Variants in MED16 observed in about 807,000 individuals in gnomAD.
MED16 encodes mediator of RNA polymerase II transcription subunit 16.
MED16 carries 81 observed loss-of-function variants against 84.4 expected under a neutral mutation model. The observed-to-expected ratio is 0.96, with a 90% CI of 0.80 to 1.15. The LOEUF (loss-of-function observed/expected upper bound fraction) is 1.15. Among genes scored for constraint, MED16 ranks in the 50% most tolerant of loss-of-function variants. The pLI is 0.00. For missense variants in MED16, 1,585 were observed against 1,245.9 expected, an observed-to-expected ratio of 1.27 and a Z score of -4.10; for synonymous variants, 897 against 552.2, an observed-to-expected ratio of 1.62 and a Z score of -8.76.
intron 9 of MED16, among the ~76,000 whole-genome samples, chr19:875,665 C>A (rs959556551): frequency 6.6e-6 from 1 of 152,180 alleles, no homozygotes; most frequent in Non-Finnish European, 1.5e-5. Context: ...CTGGGAGCGG[C>A]TCTGCCTCTG....
rs372827473 is a variant in MED16 at position 873,411 on chromosome 19, A to T, written c.1905+38T>A. 145 of 1,381,858 alleles carry T rather than the reference A, an allele frequency of 1.0e-4. 1 individual carries two copies. The African/African-American group carries it at 3.0e-3, about 29-fold the overall frequency. 85.6% of individuals were successfully genotyped at this position (1,381,858 alleles called of 1,614,324 possible). On this transcript the variant is annotated intron_variant, in intron 11 of 15. Coordinates refer to ENST00000325464, the MANE Select transcript of MED16 (RefSeq NM_005481.3). ...CGGGGTCCTGATGAGATGGGGGCCC[A>T]GGTGGGGGGCGGGGCCTTAGGGGAG...
At position 885,887 on chromosome 19, in the gene MED16, A is replaced by G. The variant is rs1397407646; in HGVS notation, c.762T>C (p.Arg254=). ...GGGAGGGCAGGATCTCCGTGTCGAT[A>G]CGGCACTTCTCGCTCACCACGCTCA... ...VCVSVVSEKC[R]IDTEILPSLF... The change falls in exon 5 of 16, where the codon CGT becomes CGC. Residue 254 remains arginine, a synonymous_variant. Transcript: ENST00000325464. The G allele has an allele frequency of 9.3e-6, 15 of 1,613,596 alleles. No individual in the cohort carries two copies. Among genetic ancestry groups the G allele is most frequent in the Non-Finnish European group, 1.2e-5 (14 of 1,179,958 alleles).
intron 10 of MED16, among the ~76,000 whole-genome samples, chr19:874,105 C>G (rs1244110366): frequency 2.0e-5 from 3 of 152,072 alleles, no homozygotes; most frequent in Admixed American, 2.0e-4. Context: ...GTACTCCAGA[C>G]AAACGATAAC....
intron 6 of MED16, among the ~76,000 whole-genome samples, chr19:882,468 G>A (rs895451115): frequency 2.0e-5 from 3 of 152,196 alleles, no homozygotes; most frequent in Non-Finnish European, 4.4e-5. Flanking sequence ...AGGCTGCAGT[G>A]AGCCAAGATC....
chr19:879,997 T>G lies in MED16; in HGVS notation c.1293A>C (p.Leu431Phe). 1.2e-6 allele frequency: 2 copies of G among 1,609,906 alleles called. No homozygotes were observed. Among genetic ancestry groups the G allele is most frequent in the Non-Finnish European group, 1.7e-6 (2 of 1,178,632 alleles). Residue 431 changes from leucine to phenylalanine, a missense_variant, in exon 8 of 16, where the codon TTA (leucine) becomes TTC (phenylalanine). Coordinates refer to ENST00000325464, the MANE Select transcript of MED16 (RefSeq NM_005481.3). ...ACGTCCACGATAGCTGCATAGCCTT[T>G]AAGTGGACGGCGGGGCCCGCGGTGC... is the stretch of plus-strand genomic sequence containing the variant. ...RPRTAGPAVH[L>F]KAMQLSWTSL... is the part of the protein sequence containing the mutation.
At chr19:874,214 C>T (rs1311197071) in intron 10 of MED16, among the ~76,000 whole-genome samples, 3 of 152,118 alleles carry the variant, frequency 2.0e-5, no homozygotes, top group African/African-American at 4.8e-5. Context: ...CCCGGGTTCA[C>T]GCCATTCTCC....
intron 6 of MED16, 116 bp downstream of exon 6, chr19:884,787 G>C (rs578046978): frequency 1.3e-6 from 1 of 755,088 alleles, no homozygotes; most frequent in Non-Finnish European, 2.2e-6. Context: ...CGAGACGATC[G>C]CTTAGGGCCG....
intron 13 of MED16, 127 bp from the exon 14 acceptor site, chr19:869,073 G>A (rs1407881649): frequency 2.5e-6 from 2 of 815,170 alleles, no homozygotes; most frequent in Non-Finnish European, 1.9e-6. Flanking sequence ...GGTGGGCCCA[G>A]ATGTCTGTGA....
chr19:888,911 G>A (rs543157056), intron 4 of MED16, among the ~76,000 whole-genome samples: 1 of 152,290 alleles, frequency 6.6e-6, no homozygotes, highest in Admixed American at 6.5e-5. Context: ...ACAGAGGCAC[G>A]AAGCTGGGGT....
intron 11 of MED16, 143 bp downstream of exon 11, chr19:873,306 T>TAGGGGCGGGACTCCAAGC: frequency 3.5e-6 from 1 of 284,890 alleles, no homozygotes; most frequent in Middle Eastern, 1.1e-3. Flanking sequence ...GGACTCCAAG[T>TAGGGGCGGGACTCCAAGC]AGGGGCGGGA....
In MED16 at chr19:891,106, G is replaced by A. The variant is rs770872284; in HGVS notation, c.26C>T (p.Ala9Val). 1 of 1,613,508 alleles carries A rather than the reference G, an allele frequency of 6.2e-7. No individual in the cohort carries two copies. Among genetic ancestry groups the A allele is most frequent in the East Asian group, 2.2e-5 (1 of 44,872 alleles). MCDLRRPAAGGMMDLAYVC... is the reference protein window; with the variant it reads MCDLRRPAVGGMMDLAYVC... ...GTAGGCCAAGTCCATCATCCCACCT[G>A]CCGCTGGCCGCCGCAAATCACACAT... is the stretch of plus-strand genomic sequence containing the variant. Residue 9 changes from alanine (A) to valine (V), a missense_variant, in exon 2 of 16, where the codon GCA (alanine) becomes GTA (valine). Ala to Val is a moderately conservative substitution (Grantham distance 64). Transcript: ENST00000325464.
intron 13 of MED16, among the ~76,000 whole-genome samples, chr19:869,506 C>T (rs146942398): frequency 1.1e-3 from 172 of 152,304 alleles, no homozygotes; most frequent in African/African-American, 3.8e-3. Flanking sequence ...AAGCCTCTGA[C>T]GTAACCGTCC....
chr19:887,522 C>T (rs1208850842), intron 4 of MED16, among the ~76,000 whole-genome samples: 7 of 151,920 alleles, frequency 4.6e-5, no homozygotes, highest in Non-Finnish European at 8.8e-5. Context: ...AAAAATTAGC[C>T]GGGCGCGGTG....
intron 1 of MED16, among the ~76,000 whole-genome samples, chr19:891,457 G>A (rs539940388): frequency 1.1e-3 from 167 of 152,314 alleles, no homozygotes; most frequent in Non-Finnish European, 2.1e-3. Flanking sequence ...GGGCACAGCC[G>A]GGAGACGCAG....
intron 13 of MED16, 86 bp downstream of exon 13, chr19:870,951 A>C: frequency 7.6e-7 from 1 of 1,308,546 alleles, no homozygotes; most frequent in Non-Finnish European, 1.0e-6. Flanking sequence ...ACATGCAGGG[A>C]GGGAGCCGTG....
intron 10 of MED16, among the ~76,000 whole-genome samples, chr19:874,303 G>A (rs184870025): frequency 6.1e-4 from 93 of 152,188 alleles, no homozygotes; most frequent in African/African-American, 2.1e-3. Flanking sequence ...TAGTAGAGAC[G>A]GGGTTTCACC....
At chr19:882,294 G>A (rs562572169) in intron 6 of MED16, among the ~76,000 whole-genome samples, 16 of 152,338 alleles carry the variant, frequency 1.1e-4, no homozygotes, top group African/African-American at 3.8e-4. Flanking sequence ...GATGGCTTGA[G>A]TCCAGGAGTT....
At chr19:884,534 T>TG (rs1461518927) in intron 6 of MED16, among the ~76,000 whole-genome samples, 1 of 152,078 alleles carries the variant, frequency 6.6e-6, no homozygotes, top group African/African-American at 2.4e-5. Flanking sequence ...CGGTCTGGCC[T>TG]GTCCCCTGCT....
rs763709655 is a variant in MED16, at chr19:891,154, G to C, written c.-18-5C>G. ...CATGAGGGCAGTCACCAGCTCCTGC[G>C]GGAGGGAGGTGTGGTGGGACGTCTA... On this transcript the variant is annotated splice_polypyrimidine_tract_variant and splice_region_variant and intron_variant, in intron 1 of 15. Transcript: ENST00000325464. 1 of 1,602,630 alleles carries C rather than the reference G, an allele frequency of 6.2e-7. No homozygotes were observed. Among genetic ancestry groups the C allele is most frequent in the South Asian group, 1.1e-5 (1 of 89,658 alleles).
Sources: gnomAD v4.1 joint callset for allele counts (sites outside exome capture counted in the v4.1 genomes callset) on GRCh38, gnomAD v4.1.1 for gene constraint, MANE v1.5 for transcripts, NCBI Gene and HGNC (gene_info 2026-07-23, HGNC 2026-07-21) for gene names.